Variants in PCDHGA7 observed in about 807,000 individuals in gnomAD.
PCDHGA7 encodes the protein protocadherin gamma-A7.
A neutral mutation model predicts 58.3 loss-of-function variants in PCDHGA7; 44 were observed. The observed-to-expected ratio is 0.75, with a 90% confidence interval of 0.59 to 0.97. PCDHGA7 has a LOEUF of 0.97. Among genes scored for constraint, PCDHGA7 ranks in the 50% least tolerant of loss-of-function variants. The pLI is 0.00. For missense variants in PCDHGA7, 1,266 were observed against 1,188.7 expected, an observed-to-expected ratio of 1.06 and a Z score of -0.96; for synonymous variants, 516 against 504.2, an observed-to-expected ratio of 1.02 and a Z score of -0.31.
At position 141,408,387 on chromosome 5, in the gene PCDHGA7, C is replaced by T. The variant is rs774250271; in HGVS notation, c.2424+23064C>T. Reference sequence around the variant, plus strand: ...CTAGGGCTCAGTGTCCTGGATGTGTCGGCTCGCAAGCTGCGAGTGAGCGCG... The same window carrying T: ...CTAGGGCTCAGTGTCCTGGATGTGTTGGCTCGCAAGCTGCGAGTGAGCGCG... On this transcript the variant is annotated intron_variant, in intron 1 of 3. Transcript: ENST00000518325. 1.2e-5 allele frequency: 20 copies of T among 1,613,890 alleles called. No homozygotes were observed. Among genetic ancestry groups the T allele is most frequent in the Non-Finnish European group, 1.6e-5 (19 of 1,179,880 alleles).
chr5:141,427,425 AC>A (rs1184817093), intron 1 of PCDHGA7: 2 of 469,034 alleles, frequency 4.3e-6, no homozygotes, highest in Non-Finnish European at 8.5e-6. Flanking sequence ...TGGGGAGGTT[AC>A]ATGCCTCATA....
chr5:141,447,058 G>A (rs1356080567), intron 1 of PCDHGA7, among the ~76,000 whole-genome samples: 1 of 152,068 alleles, frequency 6.6e-6, no homozygotes, highest in Non-Finnish European at 1.5e-5. Flanking sequence ...ATTAAAATGT[G>A]TCAGGCTGTT....
intron 1 of PCDHGA7, chr5:141,418,451 A>AG (rs2096259161): frequency 3.1e-6 from 5 of 1,614,046 alleles, no homozygotes; most frequent in Non-Finnish European, 4.2e-6. Context: ...AGTATTGCAG[A>AG]AGACTCTGGA....
At chr5:141,480,240 C>CA (rs11374694) in intron 1 of PCDHGA7, among the ~76,000 whole-genome samples, 21,591 of 113,808 alleles carry the variant, frequency 0.19, 1,578 homozygotes, top group Admixed American at 0.21. Context: ...CCTGTCTCTA[C>CA]AAAAAAAAAA....
Position 141,432,741 on chromosome 5 carries a change from C to A in PCDHGA7, c.2424+47418C>A. 6.2e-7 allele frequency: 1 copy of A among 1,614,106 alleles called. No individual in the cohort carries two copies. The highest frequency in any genetic ancestry group is 8.5e-7 in the Non-Finnish European group (1 of 1,179,988). On this transcript the variant is annotated intron_variant, in intron 1 of 3. Transcript: ENST00000518325. The surrounding 1 kb of genome is among the most constrained non-coding windows in gnomAD (Gnocchi z 6.0). ...CCTCTCTCCGCCACTGTCACGCTCA[C>A]CGTGGCCGTGGCCGACAGCATCCCC...
intron 1 of PCDHGA7, among the ~76,000 whole-genome samples, chr5:141,467,304 C>T (rs567912553): frequency 2.0e-5 from 3 of 152,266 alleles, no homozygotes; most frequent in Admixed American, 6.5e-5. Flanking sequence ...CCACTCACCT[C>T]GGCCTCCCAC....
rs767577725 is a variant in PCDHGA7, at chr5:141,485,642, G to C, written c.2425-9165G>C. On this transcript the variant is annotated intron_variant, in intron 1 of 3. Transcript: ENST00000518325. This position sits in a 1 kb window ranked among gnomAD's most constrained non-coding sequence, Gnocchi z 5.7. ...AGGACAGCGTTTCCCGTTGGAAAAGGCTCAGGATGCAGATGTGGGGAGCAA... is the reference window on the plus strand; with the variant it reads ...AGGACAGCGTTTCCCGTTGGAAAAGCCTCAGGATGCAGATGTGGGGAGCAA... 2 of 1,612,044 alleles carry C rather than the reference G, an allele frequency of 1.2e-6. No individual in the cohort carries two copies. The highest frequency in any genetic ancestry group is 8.5e-7 in the Non-Finnish European group (1 of 1,178,592).
intron 1 of PCDHGA7, chr5:141,404,969 G>T (rs2094589920): frequency 6.2e-7 from 1 of 1,613,964 alleles, no homozygotes; most frequent in East Asian, 2.2e-5. Context: ...AGACATCCTG[G>T]CTGACCTGGG....
intron 1 of PCDHGA7, chr5:141,413,229 C>T (rs200934469): frequency 6.2e-7 from 1 of 1,613,914 alleles, no homozygotes; most frequent in African/African-American, 1.3e-5. Context: ...GCGGGCTGGT[C>T]CTGCTCTGCC....
chr5:141,466,285 C>A (rs1271958613), intron 1 of PCDHGA7, among the ~76,000 whole-genome samples: 1 of 152,148 alleles, frequency 6.6e-6, no homozygotes, highest in African/African-American at 2.4e-5. Context: ...ATCTTCCCAC[C>A]TCAGGCTCCC....
At chr5:141,479,964 A>G (rs188553800) in intron 1 of PCDHGA7, among the ~76,000 whole-genome samples, 1 of 152,330 alleles carries the variant, frequency 6.6e-6, no homozygotes, top group East Asian at 1.9e-4. Context: ...AGTTAGTCAA[A>G]TGAGGTTCTA....
rs1395688351 is a variant in PCDHGA7 at position 141,485,907 on chromosome 5, C to A, written c.2425-8900C>A. On this transcript the variant is annotated intron_variant, in intron 1 of 3. Coordinates refer to ENST00000518325, the MANE Select transcript of PCDHGA7 (RefSeq NM_018920.4). The surrounding 1 kb of genome is among the most constrained non-coding windows in gnomAD (Gnocchi z 5.7). ...GACAACGCCCCAGCCTTCCAGCAAT[C>A]CAGCTACAGGATTAGTGTGTTGGAG... is the stretch of plus-strand genomic sequence containing the variant. 6.2e-7 allele frequency: 1 copy of A among 1,614,176 alleles called. No homozygotes were observed.
intron 1 of PCDHGA7, chr5:141,418,882 C>G: frequency 1.2e-6 from 2 of 1,613,960 alleles, no homozygotes; most frequent in Non-Finnish European, 1.7e-6. Flanking sequence ...TAGACGAAAA[C>G]GACAACAGCC....
In PCDHGA7 at chr5:141,432,009, G is replaced by A. The variant is rs1227754190; in HGVS notation, c.2424+46686G>A. ...GTCTTGGATAGGGAACAGGTTCCTA[G>A]CTACAACATCACAGTGACCGCCACT... On this transcript the variant is annotated intron_variant, in intron 1 of 3. Coordinates refer to ENST00000518325, the MANE Select transcript of PCDHGA7 (RefSeq NM_018920.4). The surrounding 1 kb of genome is among the most constrained non-coding windows in gnomAD (Gnocchi z 6.0). The A allele has an allele frequency of 1.2e-6, 2 of 1,614,188 alleles. No homozygotes were observed. The highest frequency in any genetic ancestry group is 1.7e-6 in the Non-Finnish European group (2 of 1,180,024).
intron 1 of PCDHGA7, chr5:141,410,775 T>A: frequency 1.0e-6 from 1 of 998,978 alleles, no homozygotes. Flanking sequence ...TAGTTTTCAC[T>A]ATGTATTTGG....
chr5:141,510,954 T>G lies in PCDHGA7; in HGVS notation c.2580T>G (p.Ala860=), dbSNP rs774590102. The change falls in exon 4 of 4, where the codon GCT becomes GCG. Residue 860 remains alanine, a synonymous_variant. Coordinates refer to ENST00000518325, the MANE Select transcript of PCDHGA7 (RefSeq NM_018920.4). ...AMILASASEA[A]DGSSTLGGGA... ...CTTCCTCTGTCTCTGCAGAAGCTGC[T>G]GATGGGAGCTCCACCCTGGGAGGGG... is the stretch of plus-strand genomic sequence containing the variant. The G allele has an allele frequency of 3.1e-6, 5 of 1,614,162 alleles. No homozygotes were observed. The Admixed American group carries it at 8.3e-5, about 27-fold the overall frequency.
chr5:141,479,035 C>A (rs2099486361), intron 1 of PCDHGA7, among the ~76,000 whole-genome samples: 1 of 152,104 alleles, frequency 6.6e-6, no homozygotes, highest in Non-Finnish European at 1.5e-5. Context: ...TTATACAGAT[C>A]GTGTACCTCA....
At chr5:141,438,720 G>A (rs1393152221) in intron 1 of PCDHGA7, among the ~76,000 whole-genome samples, 1 of 147,892 alleles carries the variant, frequency 6.8e-6, no homozygotes, top group Non-Finnish European at 1.5e-5. Flanking sequence ...GAGTGCAAGT[G>A]GTGTGATCTC....
chr5:141,422,056 G>C lies in PCDHGA7; in HGVS notation c.2424+36733G>C, dbSNP rs1003977721. 1.2e-6 allele frequency: 2 copies of C among 1,611,816 alleles called. No individual in the cohort carries two copies. The highest frequency in any genetic ancestry group is 2.7e-5 in the African/African-American group (2 of 74,764). ...GGATCCAGACGAGGGAATCAACGGG[G>C]AAGTAATGTATTCATTTCGGAACAT... On this transcript the variant is annotated intron_variant, in intron 1 of 3. Transcript: ENST00000518325.
Sources: gnomAD v4.1 joint callset for allele counts (sites outside exome capture counted in the v4.1 genomes callset) on GRCh38, gnomAD v4.1.1 for gene constraint, Gnocchi (gnomAD v3.1) non-coding constraint, MANE v1.5 for transcripts, NCBI Gene and HGNC (gene_info 2026-07-23, HGNC 2026-07-21) for gene names.